Variants in FHIT observed in about 807,000 individuals in gnomAD.
The protein encoded by FHIT is fragile histidine triad diadenosine triphosphatase.
A neutral mutation model predicts 17.9 loss-of-function variants in FHIT; 19 were observed. The observed-to-expected ratio is 1.06, with a 90% confidence interval of 0.74 to 1.56. The LOEUF is 1.56. FHIT is among the 40% of genes most tolerant of loss of function. The probability of loss-of-function intolerance (pLI) is 0.00; values close to 1 mark genes in which losing one functional copy is unlikely to be tolerated. For missense variants in FHIT, 248 were observed against 189.2 expected (o/e 1.31, Z -1.82); for synonymous variants, 81 against 69.7 (o/e 1.16, Z -0.81).
At chr3:60,162,262 T>C (rs1012833945) in intron 5 of FHIT, among the ~76,000 whole-genome samples, 11 of 152,330 alleles carry the variant, frequency 7.2e-5, no homozygotes, top group African/African-American at 2.6e-4. Flanking sequence ...CATTTTATAA[T>C]AACTTCCAAT....
chr3:59,799,380 T>A (rs903986065), intron 8 of FHIT, among the ~76,000 whole-genome samples: 3 of 151,460 alleles, frequency 2.0e-5, no homozygotes, highest in African/African-American at 7.3e-5. Context: ...GAGAAAAAAA[T>A]ACCTTAGGGC....
intron 4 of FHIT, among the ~76,000 whole-genome samples, chr3:60,612,915 T>C (rs1177819554): frequency 1.3e-5 from 2 of 152,204 alleles, no homozygotes; most frequent in Admixed American, 6.5e-5. Flanking sequence ...CAACGAATCA[T>C]ATTTGGCATG....
chr3:60,206,144 A>AAT (rs1553712140), intron 5 of FHIT, among the ~76,000 whole-genome samples: 3,406 of 133,674 alleles, frequency 0.025, 44 homozygotes, highest in Middle Eastern at 0.086. Flanking sequence ...AAAAAAAAAA[A>AAT]AAATAAATAA....
chr3:59,992,694 T>C (rs1008219805), intron 7 of FHIT, among the ~76,000 whole-genome samples: 1 of 152,070 alleles, frequency 6.6e-6, no homozygotes, highest in African/African-American at 2.4e-5. Context: ...TTGGTTTCAA[T>C]AGTGCTTTGT....
chr3:60,380,238 C>T (rs937821220), intron 5 of FHIT, among the ~76,000 whole-genome samples: 4 of 152,118 alleles, frequency 2.6e-5, no homozygotes, highest in Non-Finnish European at 5.9e-5. Flanking sequence ...TGGGTTCTCA[C>T]TGTTAGTTCA....
At chr3:60,889,263 G>A (rs1201636632) in intron 3 of FHIT, among the ~76,000 whole-genome samples, 2 of 152,146 alleles carry the variant, frequency 1.3e-5, no homozygotes, top group Admixed American at 6.5e-5. Flanking sequence ...ACAGGGGAAC[G>A]ACACGGCAGC....
At chr3:60,997,577 C>G (rs985733484) in intron 3 of FHIT, among the ~76,000 whole-genome samples, 1 of 152,080 alleles carries the variant, frequency 6.6e-6, no homozygotes, top group African/African-American at 2.4e-5. Flanking sequence ...CCAGTGTTCC[C>G]ACCACTCCCT....
chr3:59,880,975 A>T lies in FHIT; in HGVS notation c.348+41371T>A, dbSNP rs574425229. Among the ~76,000 whole-genome samples, 17 of 152,336 alleles carry T rather than the reference A, an allele frequency of 1.1e-4. No homozygotes were observed. In the South Asian group the frequency reaches 3.3e-3, roughly 30 times the overall value. On this transcript the variant is annotated intron_variant, in intron 8 of 9. Transcript: ENST00000492590. ...CTTCCAATTTGAGGGCACTTGGAAT[A>T]GCAGTGCTATTGTTCCTTTGACATC...
chr3:59,751,835 G>A, intron 9 of FHIT: 1 of 241,720 alleles, frequency 4.1e-6, no homozygotes. Flanking sequence ...TTTGCAGACA[G>A]ACTTGAGCCT....
chr3:60,846,661 T>C (rs1702936007), intron 3 of FHIT, among the ~76,000 whole-genome samples: 1 of 152,174 alleles, frequency 6.6e-6, no homozygotes, highest in African/African-American at 2.4e-5. Flanking sequence ...TTTAAGAAAC[T>C]AGCAAATCTC....
chr3:60,633,188 T>G (rs1407010766), intron 4 of FHIT, among the ~76,000 whole-genome samples: 1 of 152,230 alleles, frequency 6.6e-6, no homozygotes, highest in Non-Finnish European at 1.5e-5. Context: ...AAAGACTTTA[T>G]TAATCTAGGG....
chr3:59,879,998 T>A (rs951674843), intron 8 of FHIT, among the ~76,000 whole-genome samples: 2 of 132,700 alleles, frequency 1.5e-5, no homozygotes, highest in African/African-American at 5.5e-5. Context: ...GAAGTCCATA[T>A]GGAAATAGGA....
At chr3:60,866,054 G>A (rs1487928922) in intron 3 of FHIT, among the ~76,000 whole-genome samples, 1 of 152,142 alleles carries the variant, frequency 6.6e-6, no homozygotes. Flanking sequence ...CTGAATCAGA[G>A]ATGCCTGTCA....
chr3:60,001,922 G>A (rs1261632787), intron 7 of FHIT, among the ~76,000 whole-genome samples: 2 of 152,156 alleles, frequency 1.3e-5, no homozygotes, highest in African/African-American at 4.8e-5. Flanking sequence ...TGAGCTGTTT[G>A]TCAGGGCACC....
intron 4 of FHIT, among the ~76,000 whole-genome samples, chr3:60,798,510 A>C (rs943960515): frequency 9.9e-5 from 15 of 152,148 alleles, no homozygotes; most frequent in African/African-American, 3.6e-4. Context: ...AGGATAAAAA[A>C]CACTTCTTTA....
intron 5 of FHIT, among the ~76,000 whole-genome samples, chr3:60,123,832 C>T (rs1260826008): frequency 6.6e-6 from 1 of 150,638 alleles, no homozygotes; most frequent in East Asian, 2.0e-4. Flanking sequence ...TGATAGTATA[C>T]TACTGAATGA....
chr3:60,532,097 GCT>G (rs1329238959), intron 5 of FHIT, among the ~76,000 whole-genome samples: 1 of 152,208 alleles, frequency 6.6e-6, no homozygotes, highest in African/African-American at 2.4e-5. Flanking sequence ...GGAAAAATCT[GCT>G]CTTTTTAATA....
chr3:60,203,471 C>T (rs537083197), intron 5 of FHIT, among the ~76,000 whole-genome samples: 2 of 152,074 alleles, frequency 1.3e-5, no homozygotes, highest in Middle Eastern at 3.2e-3. Context: ...TTTAGAGGAC[C>T]TGAGATGACC....
intron 1 of FHIT, among the ~76,000 whole-genome samples, chr3:61,201,776 A>C (rs2039020862): frequency 6.6e-6 from 1 of 152,194 alleles, no homozygotes; most frequent in South Asian, 2.1e-4. Context: ...CAATGAGTTT[A>C]GAACAAGCAG....
Sources: gnomAD v4.1 joint callset for allele counts (sites outside exome capture counted in the v4.1 genomes callset) on GRCh38, gnomAD v4.1.1 for gene constraint, MANE v1.5 for transcripts, NCBI Gene and HGNC (gene_info 2026-07-23, HGNC 2026-07-21) for gene names.